DNM1: variants seen among roughly 807,000 people sequenced by gnomAD.
DNM1 encodes dynamin-1.
Under a neutral mutation model 104.6 loss-of-function variants are expected in DNM1, and 29 were observed. The ratio of observed to expected loss-of-function variants is 0.28; its 90% confidence interval spans 0.21 to 0.38. The LOEUF (loss-of-function observed/expected upper bound fraction) is 0.38. Among genes scored for constraint, DNM1 ranks in the 10% least tolerant of loss-of-function variants. The probability of loss-of-function intolerance (pLI) is 1.00; values close to 1 mark genes in which losing one functional copy is unlikely to be tolerated. For missense variants in DNM1, 640 were observed against 1,189.4 expected (o/e 0.54, Z 6.79); for synonymous variants, 445 against 475.8 (o/e 0.94, Z 0.84).
chr9:128,226,943 T>C (rs938503900), intron 10 of DNM1, among the ~76,000 whole-genome samples: 1 of 151,742 alleles, frequency 6.6e-6, no homozygotes, highest in Admixed American at 6.6e-5. Context: ...GACTTCCCTA[T>C]GCTGGTGGGT....
chr9:128,220,144 T>G lies in DNM1; in HGVS notation c.689-37T>G, dbSNP rs1295651035. On this transcript the variant is annotated intron_variant, in intron 5 of 21. Transcript: ENST00000372923. This position sits in a 1 kb window ranked among gnomAD's most constrained non-coding sequence, Gnocchi z 5.2. ...GCCCTTCCCCACCCTTCCCCTCCTC[T>G]TGAGGCTGGTTGCCCTGACCTTGAT... The G allele has an allele frequency of 6.2e-7, 1 of 1,613,086 alleles. No homozygotes were observed. The highest frequency in any genetic ancestry group is 1.7e-5 in the Admixed American group (1 of 59,996).
At chr9:128,216,562 G>A (rs917680872) in intron 1 of DNM1, among the ~76,000 whole-genome samples, 2 of 152,204 alleles carry the variant, frequency 1.3e-5, no homozygotes, top group African/African-American at 2.4e-5. Context: ...CTGGTGCGCA[G>A]AAATGATGAA....
rs193085379 is a variant in DNM1 at position 128,247,612 on chromosome 9, T to A, written c.1893+126T>A. The A allele has an allele frequency of 9.6e-5, 78 of 816,322 alleles. No homozygotes were observed. In the African/African-American group the frequency reaches 1.2e-3, roughly 13 times the overall value. The allele number at this position is 816,322 out of a possible 1,614,324, so 50.6% of individuals were successfully genotyped here. A position where few individuals can be genotyped will look rare whatever the true frequency, so the allele number is the denominator to read the frequency against. On this transcript the variant is annotated intron_variant, in intron 17 of 21. Transcript: ENST00000372923. The surrounding 1 kb of genome is among the most constrained non-coding windows in gnomAD (Gnocchi z 5.1). ...TTTGGCTCAGAAATAATAGGAATCC[T>A]CCCCCCTACCCACTCTGGGGGTGGG...
Position 128,223,697 on chromosome 9 carries a change from C to T in DNM1, c.1197-554C>T, listed in dbSNP as rs1835156065. 2.0e-5 allele frequency: 3 copies of T among 152,498 alleles called. No individual in the cohort carries two copies. The South Asian group carries it at 6.2e-4, about 31-fold the overall frequency. The allele number at this position is 152,498 out of a possible 1,614,324, so 9.4% of individuals were successfully genotyped here. On this transcript the variant is annotated intron_variant, in intron 9 of 21. Coordinates refer to ENST00000372923, the MANE Select transcript of DNM1 (RefSeq NM_004408.4). ...CATAGAACTTCCTATATGCACAGAC[C>T]CTTACGAGGAAGCAGGACTTACATA...
chr9:128,241,702 A>G (rs933894299), intron 14 of DNM1, among the ~76,000 whole-genome samples: 1 of 152,142 alleles, frequency 6.6e-6, no homozygotes, highest in East Asian at 1.9e-4. Flanking sequence ...GTGATCAAAG[A>G]TCATTATGGG....
rs1397493806 is a variant in DNM1 at position 128,255,121 on chromosome 9, C to T, written c.*407C>T. 4 of 177,992 alleles carry T rather than the reference C, an allele frequency of 2.2e-5. No homozygotes were observed. The highest frequency in any genetic ancestry group is 4.7e-5 in the Non-Finnish European group (4 of 85,490). The allele number at this position is 177,992 out of a possible 1,614,324, so 11.0% of individuals were successfully genotyped here. ...GCCCGGCCTGTGGACAGCCAGCCCC[C>T]GCCATCCCTCCCACCCCCTACCAAG... On this transcript the variant is annotated 3_prime_UTR_variant, in exon 22 of 22. Transcript: ENST00000372923.
intron 10 of DNM1, chr9:128,232,628 C>G (rs1302312700): frequency 6.5e-6 from 1 of 152,934 alleles, no homozygotes; most frequent in Non-Finnish European, 1.5e-5. Context: ...CACTGGGGGA[C>G]CCACCTGAAG....
intron 10 of DNM1, chr9:128,226,212 C>T (rs1835333048): frequency 6.2e-7 from 1 of 1,609,012 alleles, no homozygotes; most frequent in Non-Finnish European, 8.5e-7. Flanking sequence ...CCTGGCCGTC[C>T]ATTCCTTGTG....
At position 128,250,269 on chromosome 9, in the gene DNM1, A is replaced by C; in HGVS notation, c.2231A>C (p.Asp744Ala). The stretch of plus-strand genomic sequence containing the variant: ...AAGGAGGCGCTCAGCATCATCGGCG[A>C]CATCAACACGACCACCGTCAGCACG... The part of the protein sequence containing the change: ...ALKEALSIIG[D>A]INTTTVSTPM... Residue 744 changes from aspartate to alanine, a missense_variant, in exon 20 of 22, where the codon GAC (aspartate) becomes GCC (alanine). Asp to Ala is a moderately radical substitution (Grantham distance 126). Around this residue, in one of 7 missense-constraint regions of DNM1, gnomAD observed 129 missense variants for 224.6 expected, o/e 0.57. Transcript: ENST00000372923. 1 of 1,613,632 alleles carries C rather than the reference A, an allele frequency of 6.2e-7. No individual in the cohort carries two copies. The highest frequency in any genetic ancestry group is 8.5e-7 in the Non-Finnish European group (1 of 1,179,832).
Position 128,218,547 on chromosome 9 carries a change from G to A in DNM1, c.236-35G>A, listed in dbSNP as rs1834751526. On this transcript the variant is annotated intron_variant, in intron 2 of 21. Transcript: ENST00000372923. This position sits in a 1 kb window ranked among gnomAD's most constrained non-coding sequence, Gnocchi z 4.8. The stretch of plus-strand genomic sequence containing the variant: ...CCCAGGTGGGGTTCCAGACCTTGAT[G>A]CCTACTGCCCTTCCCCTGCCCGCTT... 1 of 1,588,652 alleles carries A rather than the reference G, an allele frequency of 6.3e-7. No individual in the cohort carries two copies. The highest frequency in any genetic ancestry group is 1.7e-5 in the Admixed American group (1 of 58,198).
chr9:128,253,273 CCT>C lies in DNM1; in HGVS notation c.2535-1378_2535-1377del. On this transcript the variant is annotated intron_variant, in intron 21 of 21. Transcript: ENST00000372923. The surrounding 1 kb of genome is among the most constrained non-coding windows in gnomAD (Gnocchi z 5.9). ...TTCTGCAGCTGCAGACTTGCTCTTT[CCT>C]CTTTCTGTCCTTGTGCCGCTGGCTC... The C allele has an allele frequency of 1.3e-6, 1 of 796,836 alleles. No homozygotes were observed. The highest frequency in any genetic ancestry group is 1.6e-5 in the South Asian group (1 of 62,848). The allele number at this position is 796,836 out of a possible 1,614,324, so 49.4% of individuals were successfully genotyped here.
chr9:128,242,176 C>G, intron 14 of DNM1, 56 bp from the exon 15 acceptor site: 2 of 993,774 alleles, frequency 2.0e-6, no homozygotes, highest in Non-Finnish European at 3.2e-6. Context: ...CCTACCCCAT[C>G]CCCCATGGGG....
intron 10 of DNM1, chr9:128,225,951 C>T (rs1835315499): frequency 1.1e-5 from 15 of 1,314,882 alleles, no homozygotes; most frequent in Admixed American, 5.4e-5. Flanking sequence ...CCCCTGGATT[C>T]CTGTCTCTGC....
At chr9:128,208,468 C>T (rs1159183683) in intron 1 of DNM1, among the ~76,000 whole-genome samples, 1 of 152,224 alleles carries the variant, frequency 6.6e-6, no homozygotes, top group Non-Finnish European at 1.5e-5. Flanking sequence ...CCCCTCCCCA[C>T]TATTAAGCTC....
Position 128,254,434 on chromosome 9 carries a change from G to GCTAT in DNM1, c.2535-217_2535-214dup. 1.4e-6 allele frequency: 2 copies of GCTAT among 1,454,058 alleles called. No homozygotes were observed. Among genetic ancestry groups the GCTAT allele is most frequent in the South Asian group, 2.8e-5 (2 of 70,400 alleles). The allele number at this position is 1,454,058 out of a possible 1,614,324, so 90.1% of individuals were successfully genotyped here. A position where few individuals can be genotyped will look rare whatever the true frequency, so the allele number is the denominator to read the frequency against. Reference sequence around the variant, plus strand: ...GGGAGGGCCGCCACAGCCCCCAGGCGCTATCTGTGAAGCTACGGCTCCTCC... The same window carrying GCTAT: ...GGGAGGGCCGCCACAGCCCCCAGGCGCTATCTATCTGTGAAGCTACGGCTCCTCC... On this transcript the variant is annotated intron_variant, in intron 21 of 21. Transcript: ENST00000372923. The surrounding 1 kb of genome is among the most constrained non-coding windows in gnomAD (Gnocchi z 6.1).
Position 128,248,415 on chromosome 9 carries a change from T to C in DNM1, c.1906-168T>C. ...AAGACAAGGCTGAATCAGGGGAGTCTAGGGTCCTGAGAGGCACAGGGATGC... is the reference window on the plus strand; with the variant it reads ...AAGACAAGGCTGAATCAGGGGAGTCCAGGGTCCTGAGAGGCACAGGGATGC... On this transcript the variant is annotated intron_variant, in intron 18 of 21. Coordinates refer to ENST00000372923, the MANE Select transcript of DNM1 (RefSeq NM_004408.4). This position sits in a 1 kb window ranked among gnomAD's most constrained non-coding sequence, Gnocchi z 5.6. 1 of 693,726 alleles carries C rather than the reference T, an allele frequency of 1.4e-6. No homozygotes were observed. The highest frequency in any genetic ancestry group is 2.3e-6 in the Non-Finnish European group (1 of 427,466). 43.0% of individuals were successfully genotyped at this position (693,726 alleles called of 1,614,324 possible). A position where few individuals can be genotyped will look rare whatever the true frequency, so the allele number is the denominator to read the frequency against.
In DNM1 at chr9:128,218,207, C is replaced by T. The variant is rs369902345; in HGVS notation, c.162-24C>T. ...GGGCGCCCCCTCATATCTTGACCCT[C>T]CTTTGACCTCCAACTCATTGCAGGG... On this transcript the variant is annotated intron_variant, in intron 1 of 21. Transcript: ENST00000372923. The surrounding 1 kb of genome is among the most constrained non-coding windows in gnomAD (Gnocchi z 4.8). 156 of 1,613,304 alleles carry T rather than the reference C, an allele frequency of 9.7e-5. No individual in the cohort carries two copies. Among genetic ancestry groups the T allele is most frequent in the Non-Finnish European group, 1.3e-4 (151 of 1,179,360 alleles).
chr9:128,207,883 G>A (rs1283084870), intron 1 of DNM1, among the ~76,000 whole-genome samples: 7 of 151,914 alleles, frequency 4.6e-5, no homozygotes, highest in African/African-American at 7.3e-5. Flanking sequence ...CACGGGTTGG[G>A]GATCTTCTCC....
At chr9:128,211,337 C>A (rs934713706) in intron 1 of DNM1, among the ~76,000 whole-genome samples, 12 of 152,204 alleles carry the variant, frequency 7.9e-5, no homozygotes, top group Admixed American at 5.9e-4. Context: ...GCTGATTACC[C>A]AGTCCTGCTT....
Sources: allele counts gnomAD v4.1 joint callset (sites outside exome capture counted in the v4.1 genomes callset), GRCh38; gene constraint gnomAD v4.1.1; regional missense constraint gnomAD v4.1.1; non-coding constraint Gnocchi (gnomAD v3.1); transcripts MANE v1.5; gene names NCBI Gene and HGNC (gene_info 2026-07-23, HGNC 2026-07-21).